The following ADGRL3 variants were observed in gnomAD, a reference collection of about 807,000 sequenced individuals.
ADGRL3 encodes the protein calcium-independent alpha-latrotoxin receptor 3.
ADGRL3 carries 62 observed loss-of-function variants against 153.5 expected under a neutral mutation model. The ratio of observed to expected loss-of-function variants is 0.40; its 90% CI spans 0.33 to 0.50. The LOEUF (loss-of-function observed/expected upper bound fraction) is 0.50. Ranked by LOEUF, ADGRL3 falls within the 20% of genes least tolerant of loss-of-function variation. ADGRL3 has a pLI of 0.47. For synonymous variants in ADGRL3, 710 were observed against 672.5 expected (o/e 1.06, Z -0.86); for missense variants, 1,641 against 1,859.4 (o/e 0.88, Z 2.16).
intron 4 of ADGRL3, among the ~76,000 whole-genome samples, chr4:61,569,357 T>G (rs1314968297): frequency 6.6e-6 from 1 of 152,182 alleles, no homozygotes; most frequent in Non-Finnish European, 1.5e-5. Flanking sequence ...TATGACCATC[T>G]TCACAATCTA....
chr4:61,875,781 G>A (rs1202395746), intron 9 of ADGRL3, among the ~76,000 whole-genome samples: 2 of 152,152 alleles, frequency 1.3e-5, no homozygotes, highest in African/African-American at 2.4e-5. Context: ...GATTTGTACT[G>A]TAAGGCATAT....
At chr4:61,329,931 C>T (rs2150946771) in intron 1 of ADGRL3, among the ~76,000 whole-genome samples, 1 of 152,230 alleles carries the variant, frequency 6.6e-6, no homozygotes, top group African/African-American at 2.4e-5. Context: ...TGAAATTGGG[C>T]CTCCTTGAGG....
intron 1 of ADGRL3, among the ~76,000 whole-genome samples, chr4:61,364,965 A>G (rs1309293442): frequency 6.6e-6 from 1 of 152,234 alleles, no homozygotes; most frequent in Non-Finnish European, 1.5e-5. Flanking sequence ...CAATTGTGAC[A>G]AACCTTAGCC....
At chr4:61,713,684 C>T (rs1445751169) in intron 6 of ADGRL3, among the ~76,000 whole-genome samples, 1 of 151,900 alleles carries the variant, frequency 6.6e-6, no homozygotes, top group Non-Finnish European at 1.5e-5. Context: ...CTAAGATGTA[C>T]TTTAAAAGAC....
chr4:61,441,266 C>A (rs2097525458), intron 2 of ADGRL3, among the ~76,000 whole-genome samples: 1 of 152,108 alleles, frequency 6.6e-6, no homozygotes, highest in Non-Finnish European at 1.5e-5. Flanking sequence ...TTAATGATAT[C>A]ATTTTCCCCT....
chr4:61,406,644 T>C (rs1413471543), intron 2 of ADGRL3, among the ~76,000 whole-genome samples: 1 of 152,016 alleles, frequency 6.6e-6, no homozygotes, highest in African/African-American at 2.4e-5. Context: ...TACTAGGATA[T>C]ATATGTGGTT....
At chr4:61,955,054 T>G (rs966080995) in intron 17 of ADGRL3, among the ~76,000 whole-genome samples, 3 of 152,204 alleles carry the variant, frequency 2.0e-5, no homozygotes, top group Admixed American at 1.3e-4. Flanking sequence ...ACTGAAGCTT[T>G]TCTGCCTTTT....
intron 8 of ADGRL3, among the ~76,000 whole-genome samples, chr4:61,792,049 CA>C (rs2097349608): frequency 6.6e-6 from 1 of 152,218 alleles, no homozygotes; most frequent in Non-Finnish European, 1.5e-5. Context: ...GATTAACATT[CA>C]GCTCCTCATT....
intron 8 of ADGRL3, among the ~76,000 whole-genome samples, chr4:61,799,229 G>T (rs2097458119): frequency 6.6e-6 from 1 of 151,494 alleles, no homozygotes; most frequent in African/African-American, 2.4e-5. Context: ...AATTATGCCA[G>T]GTTATCTGCT....
chr4:61,835,337 G>GAAAAA (rs34440166), intron 9 of ADGRL3, among the ~76,000 whole-genome samples: 4 of 33,054 alleles, frequency 1.2e-4, no homozygotes, highest in South Asian at 1.4e-3. Flanking sequence ...TGGCAAGACT[G>GAAAAA]AAAAAAAAAA....
At chr4:61,414,741 C>G (rs2097127661) in intron 2 of ADGRL3, among the ~76,000 whole-genome samples, 1 of 151,668 alleles carries the variant, frequency 6.6e-6, no homozygotes, top group Non-Finnish European at 1.5e-5. Context: ...TCTGCTTGAT[C>G]TCTGGTTGTT....
At chr4:61,551,911 A>G (rs565513746) in intron 4 of ADGRL3, among the ~76,000 whole-genome samples, 35 of 152,330 alleles carry the variant, frequency 2.3e-4, no homozygotes, top group South Asian at 4.1e-4. Flanking sequence ...CATATATTGT[A>G]TAAGACGCTT....
intron 2 of ADGRL3, among the ~76,000 whole-genome samples, chr4:61,456,906 G>A (rs2097762093): frequency 6.6e-6 from 1 of 151,830 alleles, no homozygotes; most frequent in Non-Finnish European, 1.5e-5. Context: ...CACTTTTGTA[G>A]GAGTAGGCTG....
At chr4:62,011,156 CTT>C (rs1390331394) in intron 21 of ADGRL3, among the ~76,000 whole-genome samples, 2 of 152,092 alleles carry the variant, frequency 1.3e-5, no homozygotes, top group Non-Finnish European at 2.9e-5. Flanking sequence ...GAAAAAATTT[CTT>C]TTCTCACCCA....
At chr4:61,959,710 A>G (rs2098980658) in intron 17 of ADGRL3, among the ~76,000 whole-genome samples, 1 of 152,312 alleles carries the variant, frequency 6.6e-6, no homozygotes, top group East Asian at 1.9e-4. Flanking sequence ...CTTGTTTTTC[A>G]AAAAGAATAT....
intron 2 of ADGRL3, among the ~76,000 whole-genome samples, chr4:61,402,111 C>A (rs1297931775): frequency 6.6e-6 from 1 of 151,958 alleles, no homozygotes; most frequent in African/African-American, 2.4e-5. Context: ...AATATTTCTT[C>A]CTCTTTGACT....
At chr4:61,864,879 G>A (rs2098384866) in intron 9 of ADGRL3, among the ~76,000 whole-genome samples, 1 of 152,178 alleles carries the variant, frequency 6.6e-6, no homozygotes, top group Non-Finnish European at 1.5e-5. Context: ...GAACTAAAAT[G>A]AAATCAACGG....
chr4:61,615,803 G>A (rs1216833118), intron 5 of ADGRL3, among the ~76,000 whole-genome samples: 1 of 151,772 alleles, frequency 6.6e-6, no homozygotes, highest in Non-Finnish European at 1.5e-5. Context: ...ATATATATAT[G>A]GTACTAAAAA....
intron 1 of ADGRL3, among the ~76,000 whole-genome samples, chr4:61,228,334 A>C (rs993868813): frequency 1.1e-4 from 16 of 152,302 alleles, no homozygotes; most frequent in Admixed American, 5.2e-4. Flanking sequence ...AATGTTACTG[A>C]TACTAACATT....
Sources: allele counts gnomAD v4.1 joint callset (sites outside exome capture counted in the v4.1 genomes callset), GRCh38; gene constraint gnomAD v4.1.1; transcripts MANE v1.5; gene names NCBI Gene and HGNC (gene_info 2026-07-23, HGNC 2026-07-21).